The following KLHL32 variants were observed in gnomAD, a reference collection of about 807,000 sequenced individuals.
KLHL32 encodes the protein kelch like family member 32.
In KLHL32, 35 loss-of-function variants were observed where a neutral mutation model predicts 64.8. The observed-to-expected ratio is 0.54, with a 90% CI of 0.41 to 0.72. KLHL32 has a LOEUF of 0.72. Ranked by LOEUF, KLHL32 falls within the 30% of genes least tolerant of loss-of-function variation. The pLI is 0.00. For synonymous variants in KLHL32, 259 were observed against 281.0 expected (o/e 0.92, Z 0.78); for missense variants, 589 against 768.5 (o/e 0.77, Z 2.76).
chr6:97,122,938 G>A (rs547953708), intron 7 of KLHL32, among the ~76,000 whole-genome samples: 4 of 152,354 alleles, frequency 2.6e-5, no homozygotes, highest in African/African-American at 9.6e-5. Flanking sequence ...AACTTGAGAT[G>A]GTTTTCCTCA....
At position 97,095,068 on chromosome 6, in the gene KLHL32, C is replaced by T. The variant is rs543754564; in HGVS notation, c.627+9727C>T. Among the ~76,000 whole-genome samples, 99 of 152,296 alleles carry T rather than the reference C, an allele frequency of 6.5e-4. 2 individuals are homozygous for T. Among genetic ancestry groups the T allele is most frequent in the African/African-American group, 2.3e-3 (94 of 41,558 alleles). ...TTAATTTGTAATTCTACGTGAATTACAATGTAATTTGGCATTAATTATACT... is the reference window on the plus strand; with the variant it reads ...TTAATTTGTAATTCTACGTGAATTATAATGTAATTTGGCATTAATTATACT... On this transcript the variant is annotated intron_variant, in intron 6 of 10. Transcript: ENST00000369261.
In KLHL32 at chr6:97,132,709, T is replaced by C. The variant is rs1562369417; in HGVS notation, c.1663T>C (p.Tyr555His). 1 of 1,613,480 alleles carries C rather than the reference T, an allele frequency of 6.2e-7. No homozygotes were observed. Among genetic ancestry groups the C allele is most frequent in the Non-Finnish European group, 8.5e-7 (1 of 1,179,664 alleles). Residue 555 changes from tyrosine (Y) to histidine (H), a missense_variant, in exon 10 of 11, where the codon TAT becomes CAT. Coordinates refer to ENST00000369261, the MANE Select transcript of KLHL32 (RefSeq NM_052904.4). ...TGGGAGAATATATTTAGTTGGTGGA[T>C]ATTCAATTTGGACAAATGAGCCTCT... ...HNGRIYLVGG[Y>H]SIWTNEPLAC...
intron 6 of KLHL32, among the ~76,000 whole-genome samples, chr6:97,112,438 T>C (rs911530561): frequency 6.6e-6 from 1 of 152,154 alleles, no homozygotes; most frequent in Non-Finnish European, 1.5e-5. Context: ...ATTGTGGTTT[T>C]TTCATTGATG....
intron 10 of KLHL32, among the ~76,000 whole-genome samples, chr6:97,137,320 G>C (rs1261186267): frequency 1.3e-5 from 2 of 152,104 alleles, no homozygotes; most frequent in Non-Finnish European, 2.9e-5. Flanking sequence ...ATTAACAAGA[G>C]AACAGAGAAA....
chr6:97,011,428 A>T (rs1285075212), intron 3 of KLHL32, among the ~76,000 whole-genome samples: 1 of 152,250 alleles, frequency 6.6e-6, no homozygotes, highest in Non-Finnish European at 1.5e-5. Flanking sequence ...TTAATTACTA[A>T]TCACAAGTAT....
At chr6:97,007,928 T>G (rs1458382498) in intron 3 of KLHL32, among the ~76,000 whole-genome samples, 2 of 152,192 alleles carry the variant, frequency 1.3e-5, no homozygotes, top group Non-Finnish European at 2.9e-5. Flanking sequence ...AATTACTTCA[T>G]CAAGGTGTTG....
chr6:96,928,463 G>A (rs1013542567), intron 1 of KLHL32, among the ~76,000 whole-genome samples: 5 of 152,140 alleles, frequency 3.3e-5, no homozygotes, highest in African/African-American at 4.8e-5. Flanking sequence ...AGGGGATGGA[G>A]GAAGACAAAT....
At chr6:96,958,548 C>T (rs574181653) in intron 1 of KLHL32, among the ~76,000 whole-genome samples, 1 of 152,250 alleles carries the variant, frequency 6.6e-6, no homozygotes, top group Admixed American at 6.5e-5. Flanking sequence ...TGGTAAAACA[C>T]AAGGCTGGTA....
At chr6:97,138,987 C>A (rs1044362779) in intron 10 of KLHL32, 134 bp from the exon 11 acceptor site, 13 of 780,452 alleles carry the variant, frequency 1.7e-5, no homozygotes, top group Non-Finnish European at 6.0e-6. Flanking sequence ...ACCATCCAAG[C>A]AAGAAAAAGA....
intron 4 of KLHL32, among the ~76,000 whole-genome samples, chr6:97,064,160 C>A (rs927059078): frequency 4.6e-5 from 7 of 152,134 alleles, no homozygotes; most frequent in Non-Finnish European, 2.9e-5. Flanking sequence ...GACTAATATC[C>A]ACCTCTGGTC....
intron 3 of KLHL32, among the ~76,000 whole-genome samples, chr6:97,004,295 G>T (rs1165546215): frequency 1.3e-5 from 2 of 152,160 alleles, no homozygotes; most frequent in African/African-American, 4.8e-5. Context: ...TTGGTGTATA[G>T]AAATGCTACT....
intron 1 of KLHL32, among the ~76,000 whole-genome samples, chr6:96,961,565 A>T (rs1159851303): frequency 6.6e-6 from 1 of 152,204 alleles, no homozygotes; most frequent in Non-Finnish European, 1.5e-5. Context: ...CAAAAAAGAA[A>T]AGACTTTATT....
chr6:97,073,083 A>G (rs1562306970), intron 5 of KLHL32, among the ~76,000 whole-genome samples: 1 of 152,218 alleles, frequency 6.6e-6, no homozygotes, highest in East Asian at 1.9e-4. Flanking sequence ...CAGAGCCGAT[A>G]TAATGTGGTG....
At chr6:96,922,408 T>A (rs1300877894), upstream of KLHL32, among the ~76,000 whole-genome samples, 1 of 152,142 alleles carries the variant, frequency 6.6e-6, no homozygotes, top group East Asian at 1.9e-4. Flanking sequence ...TAGCTAGGCT[T>A]CCCATCAATT....
rs570702199 is a variant in KLHL32 at position 96,932,887 on chromosome 6, A to G, written c.-66+7861A>G. On this transcript the variant is annotated intron_variant, in intron 1 of 10. Transcript: ENST00000369261. Reference sequence around the variant, plus strand: ...TACCTTACCAAGTTGCCAATTTTTGATTTCTGTGTTTCATGCTGTTTTTAT... The same window carrying G: ...TACCTTACCAAGTTGCCAATTTTTGGTTTCTGTGTTTCATGCTGTTTTTAT... 3.9e-5 allele frequency among the ~76,000 whole-genome samples: 6 copies of G among 152,048 alleles called. No homozygotes were observed. In the South Asian group the frequency reaches 1.2e-3, roughly 32 times the overall value.
chr6:97,014,561 G>A (rs1264480161), intron 3 of KLHL32, among the ~76,000 whole-genome samples: 1 of 152,136 alleles, frequency 6.6e-6, no homozygotes, highest in Non-Finnish European at 1.5e-5. Context: ...TACTACTGAA[G>A]TTTAGAGAAA....
intron 5 of KLHL32, among the ~76,000 whole-genome samples, chr6:97,070,768 G>A (rs549647797): frequency 2.0e-5 from 3 of 152,142 alleles, no homozygotes; most frequent in South Asian, 4.2e-4. Flanking sequence ...AAAATGAAGT[G>A]TTTCCAGGAT....
chr6:96,909,133 T>C, the KLHL32 span, among the ~76,000 whole-genome samples: 1 of 151,994 alleles, frequency 6.6e-6, no homozygotes, highest in Admixed American at 6.6e-5. Context: ...CTACTCCAGA[T>C]TTAAGTTATC....
At chr6:97,057,866 T>C (rs2128144300) in intron 4 of KLHL32, among the ~76,000 whole-genome samples, 1 of 152,346 alleles carries the variant, frequency 6.6e-6, no homozygotes, top group African/African-American at 2.4e-5. Context: ...AAGAGTTTTC[T>C]AGTTTTGCAT....
Sources: allele counts gnomAD v4.1 joint callset (sites outside exome capture counted in the v4.1 genomes callset), GRCh38; gene constraint gnomAD v4.1.1; transcripts MANE v1.5; gene names NCBI Gene and HGNC (gene_info 2026-07-23, HGNC 2026-07-21).